FGB: variants seen among roughly 807,000 people sequenced by gnomAD.
FGB encodes fibrinogen beta chain.
In FGB, 25 loss-of-function variants were observed where a neutral mutation model predicts 57.9. That is an observed-to-expected ratio of 0.43 (90% CI 0.31 to 0.60). FGB has a LOEUF of 0.60. Ranked by LOEUF, FGB falls within the 20% of genes least tolerant of loss-of-function variation. The pLI is 0.08. For missense variants in FGB, 536 were observed against 598.4 expected (o/e 0.90, Z 1.09); for synonymous variants, 203 against 199.2 (o/e 1.02, Z -0.16).
rs1730211426 is a variant in FGB, at chr4:154,567,576, T to C, written c.491-17T>C. On this transcript the variant is annotated splice_polypyrimidine_tract_variant and intron_variant, in intron 3 of 7. Coordinates refer to ENST00000302068, the MANE Select transcript of FGB (RefSeq NM_005141.5). ...GGCAAAAATGCTAACTATTTCTACA[T>C]AATTTCATTTTTCCAGATAATGAAA... The C allele has an allele frequency of 6.7e-7, 1 of 1,486,664 alleles. No individual in the cohort carries two copies. The highest frequency in any genetic ancestry group is 9.4e-7 in the Non-Finnish European group (1 of 1,063,864). The allele number at this position is 1,486,664 out of a possible 1,614,324, so 92.1% of individuals were successfully genotyped here.
At chr4:154,567,002 G>T (rs552115854) in intron 3 of FGB, among the ~76,000 whole-genome samples, 1 of 152,310 alleles carries the variant, frequency 6.6e-6, no homozygotes, top group East Asian at 1.9e-4. Context: ...GGTTTTGAAT[G>T]AGAGAGTTAT....
rs749728241 is a variant in FGB, at chr4:154,566,698, G to T, written c.490+26G>T. On this transcript the variant is annotated intron_variant, in intron 3 of 7. Coordinates refer to ENST00000302068, the MANE Select transcript of FGB (RefSeq NM_005141.5). ...GTAGATATCCTTGTGCTTTCCATTC[G>T]ATTTTCAGCTATAAAATTGGAACCG... 6.2e-6 allele frequency: 10 copies of T among 1,608,462 alleles called. No homozygotes were observed. The South Asian group carries it at 1.1e-4, about 18-fold the overall frequency.
At chr4:154,568,947 C>T (rs780127581) in intron 5 of FGB, among the ~76,000 whole-genome samples, 36 of 152,076 alleles carry the variant, frequency 2.4e-4, no homozygotes, top group Non-Finnish European at 4.1e-4. Context: ...TGGAATTCAA[C>T]CTGATATTTA....
intron 5 of FGB, 128 bp downstream of exon 5, chr4:154,568,622 G>T: frequency 3.2e-6 from 2 of 616,822 alleles, no homozygotes; most frequent in Non-Finnish European, 6.0e-6. Flanking sequence ...AAAGTGGGCT[G>T]ATAGCTTGAG....
At chr4:154,568,287 G>A (rs1278963093) in intron 4 of FGB, 94 bp from the exon 5 acceptor site, 8 of 770,006 alleles carry the variant, frequency 1.0e-5, no homozygotes, top group Admixed American at 7.0e-5. Flanking sequence ...ACACTCCTTA[G>A]TAACTTATGT....
chr4:154,567,786 T>C lies in FGB; in HGVS notation c.684T>C (p.Thr228=). The C allele has an allele frequency of 1.2e-6, 2 of 1,613,900 alleles. No individual in the cohort carries two copies. Among genetic ancestry groups the C allele is most frequent in the South Asian group, 1.1e-5 (1 of 91,084 alleles). ...AQMEYCRTPC[T]VSCNIPVVSG... is the part of the protein sequence containing the mutation. ...TGGAATATTGTCGCACCCCATGCAC[T>C]GTCAGTTGCAATATTCCTGTGGTGT... Residue 228 remains threonine, a synonymous_variant, in exon 4 of 8, where the codon ACT becomes ACC. Transcript: ENST00000302068.
Position 154,570,727 on chromosome 4 carries a change from A to G in FGB, c.*77A>G, listed in dbSNP as rs1730390127. 3 of 1,101,906 alleles carry G rather than the reference A, an allele frequency of 2.7e-6. No homozygotes were observed. The highest frequency in any genetic ancestry group is 2.6e-5 in the South Asian group (2 of 76,808). The allele number at this position is 1,101,906 out of a possible 1,614,324, so 68.3% of individuals were successfully genotyped here. ...TTATGTTATTGGAATTTTCTTTCAT[A>G]CATTATATTCCTCTAAAACTCTCAA... On this transcript the variant is annotated 3_prime_UTR_variant, in exon 8 of 8. Coordinates refer to ENST00000302068, the MANE Select transcript of FGB (RefSeq NM_005141.5).
intron 6 of FGB, 65 bp from the exon 7 acceptor site, chr4:154,569,449 G>C (rs1255294017): frequency 6.3e-7 from 1 of 1,589,532 alleles, no homozygotes; most frequent in Non-Finnish European, 8.6e-7. Context: ...GATAAGGGAA[G>C]AAAGGCAGTT....
At chr4:154,564,095 A>C (rs756942817) in intron 1 of FGB, among the ~76,000 whole-genome samples, 3 of 151,974 alleles carry the variant, frequency 2.0e-5, no homozygotes, top group Non-Finnish European at 4.4e-5. Flanking sequence ...TAGGTAAGAA[A>C]AATGTAAAGA....
chr4:154,566,384 T>G, intron 2 of FGB, 105 bp from the exon 3 acceptor site: 1 of 1,067,590 alleles, frequency 9.4e-7, no homozygotes, highest in South Asian at 1.3e-5. Context: ...AATAATAAAT[T>G]TTTATGTTGG....
chr4:154,566,766 T>G, intron 3 of FGB, 94 bp downstream of exon 3: 1 of 1,270,214 alleles, frequency 7.9e-7, no homozygotes, highest in Non-Finnish European at 1.1e-6. Flanking sequence ...AGATTAACAT[T>G]TCTGGGTTAG....
Position 154,565,742 on chromosome 4 carries a change from T to C in FGB, c.115-66T>C, listed in dbSNP as rs548434493. 4.4e-5 allele frequency: 65 copies of C among 1,480,038 alleles called. No homozygotes were observed. The South Asian group carries it at 5.1e-4, about 12-fold the overall frequency. The allele number at this position is 1,480,038 out of a possible 1,614,324, so 91.7% of individuals were successfully genotyped here. On this transcript the variant is annotated intron_variant, in intron 1 of 7. Transcript: ENST00000302068. ...TAACCTAAATTATAAAATGAGGGTG[T>C]TGGAATAGTTACATTCCAAATCTTC...
Position 154,570,657 on chromosome 4 carries a change from A to G in FGB, c.*7A>G, listed in dbSNP as rs1560819268. 3.7e-6 allele frequency: 6 copies of G among 1,605,754 alleles called. No individual in the cohort carries two copies. The Middle Eastern group carries it at 6.6e-4, about 177-fold the overall frequency. On this transcript the variant is annotated 3_prime_UTR_variant, in exon 8 of 8. Coordinates refer to ENST00000302068, the MANE Select transcript of FGB (RefSeq NM_005141.5). ...CTTCTTCCCACAGCAATAGTCCCCA[A>G]TACGTAGATTTTTGCTCTTCTGTAT...
In FGB at chr4:154,567,690, T is replaced by G; in HGVS notation, c.588T>G (p.Arg196=). The part of the protein sequence containing the change: ...TVNSNIPTNL[R]VLRSILENLR... ...ATAGCAATATCCCAACTAACCTTCGTGTGCTTCGTTCAATCCTGGAAAACC... is the reference window on the plus strand; with the variant it reads ...ATAGCAATATCCCAACTAACCTTCGGGTGCTTCGTTCAATCCTGGAAAACC... Residue 196 remains arginine, a synonymous_variant, in exon 4 of 8, where the codon CGT becomes CGG. Transcript: ENST00000302068. 1 of 1,613,912 alleles carries G rather than the reference T, an allele frequency of 6.2e-7. No homozygotes were observed. The highest frequency in any genetic ancestry group is 8.5e-7 in the Non-Finnish European group (1 of 1,179,778).
In FGB at chr4:154,567,149, A is replaced by C. The variant is rs150768229; in HGVS notation, c.491-444A>C. 9.3e-3 allele frequency among the ~76,000 whole-genome samples: 1,416 copies of C among 152,322 alleles called. 7 individuals are homozygous for C. Among genetic ancestry groups the C allele is most frequent in the Middle Eastern group, 0.02 (6 of 294 alleles). On this transcript the variant is annotated intron_variant, in intron 3 of 7. Coordinates refer to ENST00000302068, the MANE Select transcript of FGB (RefSeq NM_005141.5). ...TGGCACAGGCATCTCAGTGAGTAGC[A>C]TACCCACAGTTGGAAATTTTTCAAA...
Position 154,569,299 on chromosome 4 carries a change from G to A in FGB, c.950G>A (p.Gly317Asp). The A allele has an allele frequency of 1.2e-6, 2 of 1,614,054 alleles. No individual in the cohort carries two copies. Among genetic ancestry groups the A allele is most frequent in the Non-Finnish European group, 1.7e-6 (2 of 1,179,988 alleles). ...AACACAGATGGGAAGAATTACTGTG[G>A]CCTACCAGGTAACGAACAGGCATGC... ...ATNTDGKNYC[G>D]LPGEYWLGND... The change falls in exon 6 of 8, where the codon GGC (glycine) becomes GAC (aspartate). Residue 317 changes from glycine to aspartate, a missense_variant. Gly to Asp is a moderately conservative substitution (Grantham distance 94). Around this residue, in one of 3 missense-constraint regions of FGB, gnomAD observed 354 missense variants for 383.4 expected, o/e 0.92. Transcript: ENST00000302068.
intron 2 of FGB, 103 bp from the exon 3 acceptor site, chr4:154,566,386 T>C: frequency 2.8e-6 from 3 of 1,076,244 alleles, no homozygotes; most frequent in Non-Finnish European, 4.3e-6. Flanking sequence ...TAATAAATTT[T>C]TATGTTGGCT....
rs1197199709 is a variant in FGB, at chr4:154,571,624, T to C, written c.*974T>C. ...AAATAATGAAATAGGGAGCAGAATA[T>C]GCCTGTTGCCCATAGAAACGAGGTC... On this transcript the variant is annotated 3_prime_UTR_variant, in exon 8 of 8. Coordinates refer to ENST00000302068, the MANE Select transcript of FGB (RefSeq NM_005141.5). 6.6e-6 allele frequency among the ~76,000 whole-genome samples: 1 copy of C among 152,216 alleles called. No individual in the cohort carries two copies. The highest frequency in any genetic ancestry group is 1.5e-5 in the Non-Finnish European group (1 of 68,046).
At position 154,563,018 on chromosome 4, in the gene FGB, C is replaced by A. The variant is rs543846564; in HGVS notation, c.-1C>A. 6.8e-7 allele frequency: 1 copy of A among 1,463,276 alleles called. No homozygotes were observed. Among genetic ancestry groups the A allele is most frequent in the Admixed American group, 1.9e-5 (1 of 53,206 alleles). 90.6% of individuals were successfully genotyped at this position (1,463,276 alleles called of 1,614,324 possible). On this transcript the variant is annotated 5_prime_UTR_variant, in exon 1 of 8. Transcript: ENST00000302068. ...ATTGAAGATCTCTCAGTTAAGTCTA[C>A]ATGAAAAGGATGGTTTCTTGGAGCT...
Sources: allele counts gnomAD v4.1 joint callset (sites outside exome capture counted in the v4.1 genomes callset), GRCh38; gene constraint gnomAD v4.1.1; regional missense constraint gnomAD v4.1.1; transcripts MANE v1.5; gene names NCBI Gene and HGNC (gene_info 2026-07-23, HGNC 2026-07-21).